WDFY3: variants seen among roughly 807,000 people sequenced by gnomAD.
WDFY3 encodes the protein WD repeat and FYVE domain containing 3.
Under a neutral mutation model 409.6 loss-of-function variants are expected in WDFY3, and 66 were observed. The observed-to-expected ratio is 0.16, with a 90% CI of 0.13 to 0.20. The LOEUF (loss-of-function observed/expected upper bound fraction) is 0.20, where lower values mean the gene tolerates loss of function less well. WDFY3 is among the 10% of genes least tolerant of loss of function. The pLI is 1.00. For missense variants in WDFY3, 3,031 were observed against 4,298.1 expected (o/e 0.71, Z 8.24); for synonymous variants, 1,521 against 1,537.1 (o/e 0.99, Z 0.25).
chr4:84,757,825 T>G (rs1033147101), intron 32 of WDFY3, among the ~76,000 whole-genome samples: 4 of 152,186 alleles, frequency 2.6e-5, no homozygotes, highest in Non-Finnish European at 2.9e-5. Context: ...TTAAATTACC[T>G]ATGAATTTAG....
intron 34 of WDFY3, 76 bp from the exon 35 acceptor site, chr4:84,753,952 C>T: frequency 4.3e-6 from 6 of 1,396,590 alleles, no homozygotes; most frequent in Non-Finnish European, 5.6e-6. Flanking sequence ...AAATCCATTA[C>T]TCAGTATTCT....
At chr4:84,867,256 C>T (rs754306200) in intron 3 of WDFY3, among the ~76,000 whole-genome samples, 1 of 151,862 alleles carries the variant, frequency 6.6e-6, no homozygotes, top group Non-Finnish European at 1.5e-5. Flanking sequence ...ACTATAAGCC[C>T]CTACAGTGCT....
chr4:84,782,214 A>T (rs193172937), intron 25 of WDFY3, among the ~76,000 whole-genome samples: 25 of 152,328 alleles, frequency 1.6e-4, no homozygotes, highest in African/African-American at 6.0e-4. Context: ...TTTCTAAATT[A>T]ACAAAAACTC....
At chr4:84,862,366 C>G (rs895999949) in intron 3 of WDFY3, among the ~76,000 whole-genome samples, 2 of 152,196 alleles carry the variant, frequency 1.3e-5, no homozygotes, top group African/African-American at 2.4e-5. Flanking sequence ...AGGCAAAGGG[C>G]TGGGGGGAGC....
At chr4:84,853,927 G>A (rs941400580) in intron 4 of WDFY3, among the ~76,000 whole-genome samples, 4 of 152,122 alleles carry the variant, frequency 2.6e-5, no homozygotes, top group African/African-American at 9.7e-5. Flanking sequence ...GAAGGGTCCT[G>A]AATACAAAGG....
intron 4 of WDFY3, among the ~76,000 whole-genome samples, chr4:84,850,935 T>TTTTTTTTTTTTTTTTTTTA: frequency 2.0e-5 from 1 of 50,750 alleles, no homozygotes; most frequent in Non-Finnish European, 4.3e-5. Context: ...TCTGTTTTTT[T>TTTTTTTTTTTTTTTTTTTA]TTTTTTTTTT....
chr4:84,672,357 T>C lies in WDFY3; in HGVS notation c.*511A>G, dbSNP rs1725555707. ...TGAGGGATGTCAGACAAACCATAAG[T>C]AGTTCATTGAGTTAGTGGTTTAGTT... is the stretch of plus-strand genomic sequence containing the variant. On this transcript the variant is annotated 3_prime_UTR_variant, in exon 68 of 68. Coordinates refer to ENST00000295888, the MANE Select transcript of WDFY3 (RefSeq NM_014991.6). 6.6e-6 allele frequency: 1 copy of C among 152,228 alleles called. No homozygotes were observed. 9.4% of individuals were successfully genotyped at this position (152,228 alleles called of 1,614,324 possible).
chr4:84,691,099 C>T (rs548915558), intron 60 of WDFY3, among the ~76,000 whole-genome samples: 4 of 152,262 alleles, frequency 2.6e-5, no homozygotes, highest in African/African-American at 9.6e-5. Flanking sequence ...AGATTCTTTT[C>T]GTCTTGCATT....
At chr4:84,828,904 C>G in intron 9 of WDFY3, 100 bp downstream of exon 9, 1 of 1,226,990 alleles carries the variant, frequency 8.2e-7, no homozygotes, top group South Asian at 1.9e-5. Flanking sequence ...ATAAGTGTTT[C>G]CTTAATTTGC....
intron 55 of WDFY3, among the ~76,000 whole-genome samples, chr4:84,703,342 G>A (rs373515611): frequency 6.6e-5 from 10 of 152,106 alleles, no homozygotes; most frequent in Admixed American, 4.6e-4. Flanking sequence ...TTTTCACTAC[G>A]CAGCCTCACA....
At chr4:84,885,337 T>A (rs1473794621) in intron 3 of WDFY3, among the ~76,000 whole-genome samples, 2 of 60,904 alleles carry the variant, frequency 3.3e-5, no homozygotes, top group Non-Finnish European at 7.3e-5. Flanking sequence ...CATATGTGTG[T>A]GTGTGTGTGT....
intron 5 of WDFY3, 101 bp downstream of exon 5, chr4:84,849,801 G>T: frequency 1.3e-6 from 2 of 1,488,948 alleles, no homozygotes; most frequent in Non-Finnish European, 1.8e-6. Context: ...AACTCAATGT[G>T]CTGAGAACAA....
intron 64 of WDFY3, among the ~76,000 whole-genome samples, chr4:84,680,217 TAGAGA>T (rs1364253883): frequency 7.2e-5 from 11 of 152,118 alleles, no homozygotes; most frequent in Non-Finnish European, 4.4e-5. Context: ...TACAAGATGG[TAGAGA>T]AAAGGGCCAT....
At chr4:84,941,160 G>A (rs2151031533) in intron 1 of WDFY3, among the ~76,000 whole-genome samples, 1 of 151,254 alleles carries the variant, frequency 6.6e-6, no homozygotes, top group East Asian at 1.9e-4. Context: ...AGGCAAAAAT[G>A]GAATGGAAGA....
intron 60 of WDFY3, 113 bp from the exon 61 acceptor site, chr4:84,690,777 C>T (rs1729130052): frequency 2.3e-6 from 3 of 1,301,090 alleles, no homozygotes; most frequent in Non-Finnish European, 3.1e-6. Context: ...CAAATAGCGG[C>T]TCATGTTCTG....
chr4:84,679,416 C>G (rs1410262131), intron 64 of WDFY3, among the ~76,000 whole-genome samples, 174 bp from the exon 65 acceptor site: 10 of 151,984 alleles, frequency 6.6e-5, no homozygotes, highest in Admixed American at 5.9e-4. Flanking sequence ...GTACAGAGAG[C>G]AAAGAAATAA....
At chr4:84,887,943 C>T (rs1764443395) in intron 3 of WDFY3, among the ~76,000 whole-genome samples, 1 of 152,034 alleles carries the variant, frequency 6.6e-6, no homozygotes, top group Non-Finnish European at 1.5e-5. Flanking sequence ...AGAAAAAACC[C>T]ACAAAACCCA....
intron 1 of WDFY3, among the ~76,000 whole-genome samples, chr4:84,932,821 T>C (rs1770932032): frequency 1.3e-5 from 2 of 152,216 alleles, no homozygotes; most frequent in African/African-American, 4.8e-5. Flanking sequence ...GCTGAATTGA[T>C]TTGTTCTAAA....
intron 24 of WDFY3, among the ~76,000 whole-genome samples, chr4:84,783,822 G>A (rs768688929): frequency 1.2e-4 from 18 of 151,108 alleles, no homozygotes; most frequent in Middle Eastern, 6.8e-3. Context: ...ATAGAGTTAT[G>A]TGAAGTTTAT....
Sources: gnomAD v4.1 joint callset for allele counts (sites outside exome capture counted in the v4.1 genomes callset) on GRCh38, gnomAD v4.1.1 for gene constraint, MANE v1.5 for transcripts, NCBI Gene and HGNC (gene_info 2026-07-23, HGNC 2026-07-21) for gene names.